ATP2B2: variants seen among roughly 807,000 people sequenced by gnomAD.
ATP2B2 encodes plasma membrane calcium-transporting ATPase 2.
A neutral mutation model predicts 120.0 loss-of-function variants in ATP2B2; 15 were observed. The ratio of observed to expected loss-of-function variants is 0.12; its 90% CI spans 0.08 to 0.19. ATP2B2 has a LOEUF of 0.19. Among genes scored for constraint, ATP2B2 ranks in the 10% least tolerant of loss-of-function variants. ATP2B2 has a pLI of 1.00. For missense variants in ATP2B2, 1,045 were observed against 1,719.8 expected (o/e 0.61, Z 6.94); for synonymous variants, 694 against 700.3 (o/e 0.99, Z 0.14).
intron 1 of ATP2B2, among the ~76,000 whole-genome samples, chr3:10,671,422 C>T (rs778948556): frequency 2.0e-5 from 3 of 152,112 alleles, no homozygotes; most frequent in East Asian, 1.9e-4. Context: ...CGGCCCTTGT[C>T]GAAGTATAGA....
chr3:10,364,923 C>A (rs1456844917), intron 12 of ATP2B2, among the ~76,000 whole-genome samples: 1 of 152,198 alleles, frequency 6.6e-6, no homozygotes, highest in East Asian at 1.9e-4. Flanking sequence ...CCTGGAGGCC[C>A]AACCTCAACA....
intron 2 of ATP2B2, among the ~76,000 whole-genome samples, chr3:10,551,007 C>CA (rs2067657844): frequency 6.6e-6 from 1 of 152,192 alleles, no homozygotes; most frequent in Admixed American, 6.5e-5. Context: ...GTTTGAGGCT[C>CA]AGACAGCACT....
intron 1 of ATP2B2, among the ~76,000 whole-genome samples, chr3:10,690,476 C>CTATCTATCTATCTATCTATA (rs557043167): frequency 4.0e-5 from 6 of 150,454 alleles, no homozygotes; most frequent in East Asian, 1.9e-4. Flanking sequence ...ATCTATCTAT[C>CTATCTATCTATCTATCTATA]TATATATCTC....
chr3:10,524,272 G>A (rs1047455771), intron 3 of ATP2B2, among the ~76,000 whole-genome samples: 1 of 152,178 alleles, frequency 6.6e-6, no homozygotes, highest in Admixed American at 6.5e-5. Context: ...TATTTAAAAC[G>A]CACTCATGAT....
chr3:10,417,191 C>A (rs982676848), intron 2 of ATP2B2, among the ~76,000 whole-genome samples: 2 of 150,044 alleles, frequency 1.3e-5, no homozygotes, highest in South Asian at 2.1e-4. Context: ...CCAGAGGGGG[C>A]AAAAGCTGGG....
At chr3:10,450,981 G>A (rs976532642) in intron 1 of ATP2B2, among the ~76,000 whole-genome samples, 1 of 152,126 alleles carries the variant, frequency 6.6e-6, no homozygotes, top group African/African-American at 2.4e-5. Flanking sequence ...TGAGGGGAAG[G>A]GCTGAGAGAA....
intron 5 of ATP2B2, among the ~76,000 whole-genome samples, chr3:10,392,017 T>A (rs1357255341): frequency 1.3e-5 from 2 of 151,994 alleles, no homozygotes. Context: ...TGAATGCCCT[T>A]CTCCTTGGGT....
At chr3:10,387,973 G>A (rs2061730254) in intron 6 of ATP2B2, 1 of 402,916 alleles carries the variant, frequency 2.5e-6, no homozygotes, top group Admixed American at 3.6e-5. Context: ...AATTGATGCT[G>A]GCTGTTTCCA....
chr3:10,528,701 A>G (rs1420715362), intron 3 of ATP2B2, among the ~76,000 whole-genome samples: 1 of 152,242 alleles, frequency 6.6e-6, no homozygotes, highest in Non-Finnish European at 1.5e-5. Context: ...TTTGCTAATC[A>G]CAGCAACTCC....
intron 1 of ATP2B2, among the ~76,000 whole-genome samples, chr3:10,683,746 A>AT (rs1408104149): frequency 1.1e-3 from 46 of 40,842 alleles, no homozygotes; most frequent in South Asian, 9.7e-3. Flanking sequence ...ATGTGTATAT[A>AT]TATGTGTGTG....
At chr3:10,613,851 C>T (rs908571565) in intron 2 of ATP2B2, among the ~76,000 whole-genome samples, 1 of 152,140 alleles carries the variant, frequency 6.6e-6, no homozygotes, top group Non-Finnish European at 1.5e-5. Context: ...GGCACAGCCC[C>T]TCACCTAGCT....
At chr3:10,502,934 A>G (rs2066453979) in intron 1 of ATP2B2, among the ~76,000 whole-genome samples, 1 of 152,234 alleles carries the variant, frequency 6.6e-6, no homozygotes, top group African/African-American at 2.4e-5. Flanking sequence ...CTTGGGTGAC[A>G]CAGCTTCACC....
intron 1 of ATP2B2, among the ~76,000 whole-genome samples, chr3:10,656,807 C>T (rs1425182545): frequency 6.6e-6 from 1 of 152,194 alleles, no homozygotes; most frequent in Admixed American, 6.5e-5. Context: ...TAAACTGAGA[C>T]CTCAAGGACA....
intron 1 of ATP2B2, among the ~76,000 whole-genome samples, chr3:10,659,062 C>T (rs2070712723): frequency 6.6e-6 from 1 of 152,104 alleles, no homozygotes. Flanking sequence ...TTTGTCACCA[C>T]CAGGCCTGCC....
At chr3:10,486,866 C>CAT (rs2065698041) in intron 1 of ATP2B2, among the ~76,000 whole-genome samples, 1 of 151,932 alleles carries the variant, frequency 6.6e-6, no homozygotes, top group Non-Finnish European at 1.5e-5. Flanking sequence ...ACTACAGGTG[C>CAT]GAGCCACCAC....
intron 1 of ATP2B2, among the ~76,000 whole-genome samples, chr3:10,624,032 T>A (rs980276633): frequency 6.6e-6 from 1 of 152,194 alleles, no homozygotes; most frequent in East Asian, 1.9e-4. Context: ...GGAGCACTAG[T>A]CTTTCAAGAA....
intron 22 of ATP2B2, among the ~76,000 whole-genome samples, chr3:10,335,164 A>G (rs2060083689): frequency 6.6e-6 from 1 of 152,206 alleles, no homozygotes; most frequent in African/African-American, 2.4e-5. Flanking sequence ...GTCCCAGGCT[A>G]TCTCTCAGAT....
intron 10 of ATP2B2, among the ~76,000 whole-genome samples, chr3:10,377,874 G>C (rs2061423757): frequency 6.6e-6 from 1 of 152,338 alleles, no homozygotes; most frequent in South Asian, 2.1e-4. Context: ...TTTGTATGCA[G>C]AGTCTCCTTT....
At chr3:10,618,065 C>T (rs1266092609) in intron 2 of ATP2B2, among the ~76,000 whole-genome samples, 2 of 152,194 alleles carry the variant, frequency 1.3e-5, no homozygotes, top group African/African-American at 2.4e-5. Flanking sequence ...CCAAACATGC[C>T]GTGGCAGGGA....
Sources: gnomAD v4.1 joint callset for allele counts (sites outside exome capture counted in the v4.1 genomes callset) on GRCh38, gnomAD v4.1.1 for gene constraint, MANE v1.5 for transcripts, NCBI Gene and HGNC (gene_info 2026-07-23, HGNC 2026-07-21) for gene names.